GPD1L: variants seen among roughly 807,000 people sequenced by gnomAD.
The protein encoded by GPD1L is glycerol-3-phosphate dehydrogenase 1-like protein.
In GPD1L, 17 loss-of-function variants were observed where a neutral mutation model predicts 32.9. The observed-to-expected ratio is 0.52, with a 90% confidence interval of 0.35 to 0.78. The LOEUF is 0.78. Among genes scored for constraint, GPD1L ranks in the 30% least tolerant of loss-of-function variants. GPD1L has a pLI of 0.01. For synonymous variants in GPD1L, 187 were observed against 165.9 expected (o/e 1.13, Z -0.98); for missense variants, 361 against 447.8 (o/e 0.81, Z 1.75).
intron 2 of GPD1L, among the ~76,000 whole-genome samples, chr3:32,135,890 T>A (rs1335057302): frequency 6.6e-6 from 1 of 152,168 alleles, no homozygotes; most frequent in Non-Finnish European, 1.5e-5. Flanking sequence ...CTAGCCTAGA[T>A]TACCAATCTG....
chr3:32,116,773 C>T (rs536885300), intron 1 of GPD1L, among the ~76,000 whole-genome samples: 1 of 152,194 alleles, frequency 6.6e-6, no homozygotes, highest in Non-Finnish European at 1.5e-5. Context: ...AGCTTTGGCC[C>T]ACAGCTGCAC....
chr3:32,138,016 C>G (rs1454688158), intron 2 of GPD1L, among the ~76,000 whole-genome samples: 2 of 152,184 alleles, frequency 1.3e-5, no homozygotes, highest in Non-Finnish European at 2.9e-5. Flanking sequence ...GAGACATGGC[C>G]TTAGAAAGGG....
intron 5 of GPD1L, among the ~76,000 whole-genome samples, chr3:32,156,278 T>C (rs1018462723): frequency 3.9e-5 from 6 of 152,224 alleles, no homozygotes; most frequent in Admixed American, 3.9e-4. Context: ...TGAGAAGCTT[T>C]CGCAGGTTCA....
At chr3:32,121,881 T>G (rs116232846) in intron 1 of GPD1L, among the ~76,000 whole-genome samples, 10,387 of 151,002 alleles carry the variant, frequency 0.069, 378 homozygotes, top group Middle Eastern at 0.11. Context: ...AGTGAGTCTC[T>G]GTCCTCAGCC....
At chr3:32,121,770 TATATATATATA>T (rs1388684914) in intron 1 of GPD1L, among the ~76,000 whole-genome samples, 13 of 139,656 alleles carry the variant, frequency 9.3e-5, no homozygotes, top group Admixed American at 1.6e-4. Context: ...TATATTTCTA[TATATATATATA>T]TTTTTTTTAG....
At chr3:32,123,317 A>G (rs1441926293) in intron 1 of GPD1L, among the ~76,000 whole-genome samples, 1 of 152,250 alleles carries the variant, frequency 6.6e-6, no homozygotes, top group Non-Finnish European at 1.5e-5. Flanking sequence ...AATTCTTGCC[A>G]GATATTACTA....
In GPD1L at chr3:32,158,879, A is replaced by G. The variant is rs960188961; in HGVS notation, c.622A>G (p.Ile208Val). Reference protein sequence around the residue: ...TVELCGALKNIVAVGAGFCDG... With the variant: ...TVELCGALKNVVAVGAGFCDG... ...GGCTTTGTCATCTCCTTTGCAGAAC[A>G]TCGTAGCTGTGGGAGCTGGGTTCTG... Residue 208 changes from isoleucine to valine, a missense_variant, in exon 6 of 8, where the codon ATC becomes GTC. Transcript: ENST00000282541. The G allele has an allele frequency of 3.1e-6, 5 of 1,613,932 alleles. No homozygotes were observed. In the South Asian group the frequency reaches 4.4e-5, roughly 14 times the overall value.
chr3:32,129,982 T>C, intron 2 of GPD1L, among the ~76,000 whole-genome samples: 1 of 152,178 alleles, frequency 6.6e-6, no homozygotes, highest in East Asian at 1.9e-4. Flanking sequence ...CCTGTCTGTC[T>C]ACCTCCACGT....
chr3:32,157,649 G>A (rs1189492972), intron 5 of GPD1L, among the ~76,000 whole-genome samples: 6 of 152,120 alleles, frequency 3.9e-5, no homozygotes, highest in East Asian at 1.9e-4. Context: ...ATTTGTACAC[G>A]TTTTATTTTT....
intron 1 of GPD1L, among the ~76,000 whole-genome samples, 180 bp from the exon 2 acceptor site, chr3:32,127,896 T>TG (rs372198706): frequency 6.6e-6 from 1 of 151,806 alleles, no homozygotes; most frequent in South Asian, 2.1e-4. Context: ...TCACAGGCGG[T>TG]GGTATTCCAT....
intron 1 of GPD1L, among the ~76,000 whole-genome samples, chr3:32,125,866 A>T (rs1325645102): frequency 1.3e-5 from 2 of 152,242 alleles, no homozygotes; most frequent in African/African-American, 4.8e-5. Context: ...ATTATTGATG[A>T]AACCAGGAAT....
chr3:32,133,986 C>T (rs572586470), intron 2 of GPD1L, among the ~76,000 whole-genome samples: 5 of 152,332 alleles, frequency 3.3e-5, no homozygotes, highest in African/African-American at 1.2e-4. Context: ...AGCCCTGATG[C>T]CTTCGTTCTG....
At chr3:32,136,751 G>C (rs571665120) in intron 2 of GPD1L, among the ~76,000 whole-genome samples, 1 of 151,862 alleles carries the variant, frequency 6.6e-6, no homozygotes, top group South Asian at 2.1e-4. Context: ...TATTATTCTT[G>C]GTCCCATGTT....
Position 32,167,409 on chromosome 3 carries a change from C to T in GPD1L, c.*1499C>T, listed in dbSNP as rs1357740454. The T allele has an allele frequency of 6.6e-6, 1 of 152,652 alleles. No homozygotes were observed. Among genetic ancestry groups the T allele is most frequent in the Non-Finnish European group, 1.5e-5 (1 of 68,052 alleles). The allele number at this position is 152,652 out of a possible 1,614,324, so 9.5% of individuals were successfully genotyped here. ...TAGGATCACTCAAGTAGACCCTTCA[C>T]TCCCTGCGAGAAATTAGGATGAATA... is the stretch of plus-strand genomic sequence containing the variant. On this transcript the variant is annotated 3_prime_UTR_variant, in exon 8 of 8. Transcript: ENST00000282541.
intron 5 of GPD1L, chr3:32,151,183 G>T: frequency 1.7e-6 from 1 of 588,646 alleles, no homozygotes; most frequent in Non-Finnish European, 3.3e-6. Context: ...TGGTACTTCA[G>T]TCTAATCCAG....
intron 2 of GPD1L, among the ~76,000 whole-genome samples, chr3:32,130,787 C>T (rs11915555): frequency 0.058 from 8,832 of 152,030 alleles, 463 homozygotes; most frequent in East Asian, 0.15. Flanking sequence ...CTGAGGGGGG[C>T]GGATCACTTG....
intron 2 of GPD1L, among the ~76,000 whole-genome samples, chr3:32,128,518 C>A (rs1013159926): frequency 6.6e-6 from 1 of 152,148 alleles, no homozygotes; most frequent in Non-Finnish European, 1.5e-5. Flanking sequence ...AGCATGAGAT[C>A]AGGGTGTTGA....
rs771154845 is a variant in GPD1L, at chr3:32,106,676, G to A, written c.-36G>A. ...CAGGCGGAGGTGGGCAGCCGGCCAGGGAAGCACGGTCCAGGCGGCTACATT... is the reference window on the plus strand; with the variant it reads ...CAGGCGGAGGTGGGCAGCCGGCCAGAGAAGCACGGTCCAGGCGGCTACATT... On this transcript the variant is annotated 5_prime_UTR_variant, in exon 1 of 8. Transcript: ENST00000282541. This position sits in a 1 kb window ranked among gnomAD's most constrained non-coding sequence, Gnocchi z 4.0. 7 of 1,512,982 alleles carry A rather than the reference G, an allele frequency of 4.6e-6. No individual in the cohort carries two copies. The South Asian group carries it at 6.4e-5, about 14-fold the overall frequency. The allele number at this position is 1,512,982 out of a possible 1,614,324, so 93.7% of individuals were successfully genotyped here. A position where few individuals can be genotyped will look rare whatever the true frequency, so the allele number is the denominator to read the frequency against.
intron 5 of GPD1L, among the ~76,000 whole-genome samples, chr3:32,153,753 A>G (rs922591093): frequency 2.6e-5 from 4 of 152,190 alleles, no homozygotes; most frequent in Non-Finnish European, 5.9e-5. Flanking sequence ...GAGAATGTTT[A>G]TGTAACCTGC....
Sources: allele counts gnomAD v4.1 joint callset (sites outside exome capture counted in the v4.1 genomes callset), GRCh38; gene constraint gnomAD v4.1.1; non-coding constraint Gnocchi (gnomAD v3.1); transcripts MANE v1.5; gene names NCBI Gene and HGNC (gene_info 2026-07-23, HGNC 2026-07-21).